The following ERMARD variants were observed in gnomAD, a reference collection of about 807,000 sequenced individuals.
ERMARD encodes endoplasmic reticulum membrane-associated RNA degradation protein.
A neutral mutation model predicts 83.9 loss-of-function variants in ERMARD; 71 were observed. The ratio of observed to expected loss-of-function variants is 0.85; its 90% CI spans 0.70 to 1.03. The LOEUF is 1.03. ERMARD is among the 50% of genes least tolerant of loss of function. The pLI is 0.00. For missense variants in ERMARD, 838 were observed against 810.9 expected (o/e 1.03, Z -0.41); for synonymous variants, 284 against 298.6 (o/e 0.95, Z 0.50).
Position 169,781,475 on chromosome 6 carries a change from C to T in ERMARD, c.1999C>T (p.His667Tyr), listed in dbSNP as rs1320404866. The T allele has an allele frequency of 1.2e-6, 2 of 1,605,696 alleles. No individual in the cohort carries two copies. Among genetic ancestry groups the T allele is most frequent in the East Asian group, 2.2e-5 (1 of 44,758 alleles). ...TAGTGAGAAGAAACAAATGTTAATA[C>T]ATTTAGCCAAGAAATCCACAAGTAA... ...TFSEKKQMLI[H>Y]LAKKSTSKVL... The change falls in exon 18 of 18, where the codon CAT becomes TAT. Residue 667 changes from histidine (H) to tyrosine (Y), a missense_variant. Transcript: ENST00000366773.
At chr6:169,758,861 A>G in intron 5 of ERMARD, 107 bp from the exon 6 acceptor site, 1 of 1,013,528 alleles carries the variant, frequency 9.9e-7, no homozygotes, top group South Asian at 1.5e-5. Context: ...ATACTAGCCA[A>G]AACTGTTGAC....
At chr6:169,773,734 T>C (rs1439279802) in intron 13 of ERMARD, among the ~76,000 whole-genome samples, 1 of 152,236 alleles carries the variant, frequency 6.6e-6, no homozygotes, top group Non-Finnish European at 1.5e-5. Context: ...GGAGCAGTTT[T>C]TATTTGTCAG....
At chr6:169,759,464 C>T (rs1420045425) in intron 6 of ERMARD, among the ~76,000 whole-genome samples, 3 of 152,002 alleles carry the variant, frequency 2.0e-5, no homozygotes, top group Admixed American at 6.6e-5. Flanking sequence ...CTGTCACCCA[C>T]GCTGGAGTGC....
At chr6:169,755,524 C>T (rs1790694093) in intron 3 of ERMARD, 102 bp downstream of exon 3, 2 of 1,446,954 alleles carry the variant, frequency 1.4e-6, no homozygotes, top group African/African-American at 2.8e-5. Flanking sequence ...ATCCCCAGGC[C>T]CTCCAGCGGT....
intron 9 of ERMARD, among the ~76,000 whole-genome samples, chr6:169,766,182 A>G (rs1792181837): frequency 6.6e-6 from 1 of 152,256 alleles, no homozygotes; most frequent in Non-Finnish European, 1.5e-5. Flanking sequence ...TGGGATCAGA[A>G]CTCAGGACAG....
Position 169,768,162 on chromosome 6 carries a change from G to C in ERMARD, c.1050G>C (p.Glu350Asp), listed in dbSNP as rs200693784. ...KINQLPLFLG[E>D]PAMEFLWDFL... is the part of the protein sequence containing the mutation. ...ATCAGCTTCCTCTTTTCCTTGGAGA[G>C]CCTGCTATGGTAAGTATTAGGTATT... Residue 350 changes from glutamate (E) to aspartate (D), a missense_variant, in exon 11 of 18, where the codon GAG becomes GAC. Coordinates refer to ENST00000366773, the MANE Select transcript of ERMARD (RefSeq NM_018341.3). 6.2e-7 allele frequency: 1 copy of C among 1,613,864 alleles called. No individual in the cohort carries two copies. The highest frequency in any genetic ancestry group is 8.5e-7 in the Non-Finnish European group (1 of 1,179,794).
intron 17 of ERMARD, among the ~76,000 whole-genome samples, chr6:169,780,313 G>C (rs1393342835): frequency 1.3e-5 from 2 of 152,120 alleles, no homozygotes; most frequent in Admixed American, 1.3e-4. Context: ...CCTAGACATT[G>C]CCAGATATCC....
At chr6:169,760,010 T>C in intron 7 of ERMARD, 36 bp downstream of exon 7, 1 of 1,612,720 alleles carries the variant, frequency 6.2e-7, no homozygotes, top group Non-Finnish European at 8.5e-7. Flanking sequence ...CTTATAGCTT[T>C]GCGTAGATAT....
At chr6:169,756,578 T>C in intron 4 of ERMARD, 139 bp downstream of exon 4, 1 of 961,180 alleles carries the variant, frequency 1.0e-6, no homozygotes, top group Admixed American at 2.7e-5. Context: ...ATATTTCCCT[T>C]TTGAATGATT....
chr6:169,752,699 A>G (rs1196985610), intron 1 of ERMARD, among the ~76,000 whole-genome samples: 1 of 152,122 alleles, frequency 6.6e-6, no homozygotes, highest in African/African-American at 2.4e-5. Flanking sequence ...TTAACTCAAC[A>G]CACCAAAATA....
At chr6:169,766,605 ATTGT>A in intron 9 of ERMARD, 29 bp from the exon 10 acceptor site, 1 of 1,548,424 alleles carries the variant, frequency 6.5e-7, no homozygotes, top group Non-Finnish European at 8.7e-7. Flanking sequence ...TTTTGCTTTA[ATTGT>A]TTATTTTCAT....
At chr6:169,759,392 C>T (rs541250074) in intron 6 of ERMARD, among the ~76,000 whole-genome samples, 3 of 152,140 alleles carry the variant, frequency 2.0e-5, no homozygotes, top group South Asian at 2.1e-4. Context: ...AACTACTGCA[C>T]AGTCTAATTC....
chr6:169,753,998 A>G lies in ERMARD; in HGVS notation c.141A>G (p.Lys47=). The G allele has an allele frequency of 6.2e-7, 1 of 1,613,504 alleles. No individual in the cohort carries two copies. Among genetic ancestry groups the G allele is most frequent in the East Asian group, 2.2e-5 (1 of 44,866 alleles). The change falls in exon 2 of 18, where the codon AAA becomes AAG. Residue 47 remains lysine, a synonymous_variant. Coordinates refer to ENST00000366773, the MANE Select transcript of ERMARD (RefSeq NM_018341.3). ...CTCAGAATGGTGAAGTATGCTGGAA[A>G]ACAATCACAGACTGTGTGAGCTACA... ...IVTQNGEVCW[K]TITDCVSYTE... is the part of the protein sequence containing the mutation.
intron 3 of ERMARD, among the ~76,000 whole-genome samples, chr6:169,755,973 C>A (rs1482459484): frequency 6.6e-6 from 1 of 152,160 alleles, no homozygotes; most frequent in Non-Finnish European, 1.5e-5. Flanking sequence ...ATCATCATGT[C>A]CCCCTTGTAC....
chr6:169,776,119 A>T (rs936024854), intron 15 of ERMARD, 54 bp downstream of exon 15: 11 of 1,598,176 alleles, frequency 6.9e-6, no homozygotes, highest in Non-Finnish European at 7.7e-6. Context: ...GCAGATTAGC[A>T]TAGCAAACTT....
intron 12 of ERMARD, among the ~76,000 whole-genome samples, chr6:169,772,893 G>GTTAAC (rs1167010764): frequency 5.5e-5 from 8 of 146,434 alleles, no homozygotes; most frequent in African/African-American, 2.1e-4. Flanking sequence ...AAGTTATGTG[G>GTTAAC]TTATATCAGC....
intron 16 of ERMARD, among the ~76,000 whole-genome samples, chr6:169,777,955 G>C (rs1793782584): frequency 6.6e-6 from 1 of 152,182 alleles, no homozygotes; most frequent in Non-Finnish European, 1.5e-5. Flanking sequence ...CAGGGTCAGG[G>C]TTGTGGGTGG....
Position 169,769,698 on chromosome 6 carries a change from G to T in ERMARD, c.1218G>T (p.Leu406=). The change falls in exon 12 of 18, where the codon CTG becomes CTT. Residue 406 remains leucine (L), a synonymous_variant. Coordinates refer to ENST00000366773, the MANE Select transcript of ERMARD (RefSeq NM_018341.3). Reference sequence around the variant, plus strand: ...TACTCAGATTCGTTGATGACTGTCTGCTATCAGTTTTTAAGGTAATTTATA... The same window carrying T: ...TACTCAGATTCGTTGATGACTGTCTTCTATCAGTTTTTAAGGTAATTTATA... The part of the protein sequence containing the change: ...VLLLRFVDDC[L]LSVFKEKSAV... 1 of 1,602,468 alleles carries T rather than the reference G, an allele frequency of 6.2e-7. No individual in the cohort carries two copies.
At chr6:169,755,604 T>G (rs2128341668) in intron 3 of ERMARD, 182 bp downstream of exon 3, 1 of 657,838 alleles carries the variant, frequency 1.5e-6, no homozygotes, top group African/African-American at 1.8e-5. Context: ...CTGAGAAACA[T>G]GCCCCTTGGA....
Sources: allele counts gnomAD v4.1 joint callset (sites outside exome capture counted in the v4.1 genomes callset), GRCh38; gene constraint gnomAD v4.1.1; transcripts MANE v1.5; gene names NCBI Gene and HGNC (gene_info 2026-07-23, HGNC 2026-07-21).